The following VPS13B variants were observed in gnomAD, a reference collection of about 807,000 sequenced individuals.
VPS13B encodes the protein vacuolar protein sorting 13 homolog B.
VPS13B carries 285 observed loss-of-function variants against 426.4 expected under a neutral mutation model. The observed-to-expected ratio is 0.67, with a 90% CI of 0.61 to 0.74. The LOEUF is 0.74. VPS13B is among the 30% of genes least tolerant of loss of function. The pLI, the probability that VPS13B is intolerant of heterozygous loss-of-function variation, is 0.00. For missense variants in VPS13B, 4,537 were observed against 4,782.6 expected (o/e 0.95, Z 1.51); for synonymous variants, 1,676 against 1,676.4 (o/e 1.00, Z 0.01).
chr8:99,619,944 A>G (rs1181827544), intron 33 of VPS13B, among the ~76,000 whole-genome samples: 1 of 151,484 alleles, frequency 6.6e-6, no homozygotes, highest in East Asian at 1.9e-4. Context: ...AGCACATAGT[A>G]TATATTTCAA....
At chr8:99,488,033 T>C (rs560238302) in intron 25 of VPS13B, among the ~76,000 whole-genome samples, 1 of 152,306 alleles carries the variant, frequency 6.6e-6, no homozygotes, top group South Asian at 2.1e-4. Context: ...AAATAGTATT[T>C]AATTTTTTAA....
chr8:99,060,282 T>C (rs1471729246), intron 3 of VPS13B, among the ~76,000 whole-genome samples: 1 of 152,076 alleles, frequency 6.6e-6, no homozygotes, highest in Non-Finnish European at 1.5e-5. Flanking sequence ...ATTTGGGAGA[T>C]ATAGTGTGTT....
At chr8:99,558,906 A>G (rs1280670984) in intron 31 of VPS13B, among the ~76,000 whole-genome samples, 3 of 152,120 alleles carry the variant, frequency 2.0e-5, no homozygotes, top group Non-Finnish European at 4.4e-5. Flanking sequence ...ATGATTTATA[A>G]TCCTTTGGGT....
chr8:99,208,276 C>G (rs1031003053), intron 17 of VPS13B, among the ~76,000 whole-genome samples: 2 of 152,122 alleles, frequency 1.3e-5, no homozygotes, highest in Non-Finnish European at 2.9e-5. Context: ...CTACCAGGCC[C>G]CATCTCCATC....
At chr8:99,457,494 T>C (rs937392235) in intron 23 of VPS13B, among the ~76,000 whole-genome samples, 1 of 152,224 alleles carries the variant, frequency 6.6e-6, no homozygotes, top group East Asian at 1.9e-4. Context: ...TATCCCTTTT[T>C]TCTGGGTTAA....
At chr8:99,691,254 T>C (rs1247120535) in intron 35 of VPS13B, among the ~76,000 whole-genome samples, 12 of 146,090 alleles carry the variant, frequency 8.2e-5, no homozygotes, top group Non-Finnish European at 1.3e-4. Flanking sequence ...ATACTGTGTG[T>C]GTGTGTGTGT....
intron 14 of VPS13B, among the ~76,000 whole-genome samples, chr8:99,153,472 C>CT (rs1232768710): frequency 6.6e-6 from 1 of 151,896 alleles, no homozygotes; most frequent in Non-Finnish European, 1.5e-5. Context: ...ACCTGTTATA[C>CT]TTCTTTTTAG....
chr8:99,827,555 T>TG (rs1814768151), intron 51 of VPS13B, among the ~76,000 whole-genome samples: 1 of 149,350 alleles, frequency 6.7e-6, no homozygotes, highest in Non-Finnish European at 1.5e-5. Context: ...TTTTTTTTTT[T>TG]GAAGAGTTTT....
intron 23 of VPS13B, among the ~76,000 whole-genome samples, chr8:99,452,804 T>C (rs545375449): frequency 1.2e-4 from 19 of 152,304 alleles, no homozygotes; most frequent in Admixed American, 5.2e-4. Flanking sequence ...CTGATTTCAA[T>C]TGCTGTGGAA....
chr8:99,040,204 A>G (rs1199974792), intron 3 of VPS13B, among the ~76,000 whole-genome samples: 1 of 152,194 alleles, frequency 6.6e-6, no homozygotes, highest in African/African-American at 2.4e-5. Flanking sequence ...AACTAATTAT[A>G]GAGGCTGCAG....
Position 99,374,659 on chromosome 8 carries a change from A to G in VPS13B, c.2825-9549A>G, listed in dbSNP as rs140517207. On this transcript the variant is annotated intron_variant, in intron 19 of 61. Transcript: ENST00000357162. ...AAATAATGTTTATGTCCAAAAAAAT[A>G]CATGCCTCTTCTTTTGTCATGATAT... Among the ~76,000 whole-genome samples, 927 of 152,326 alleles carry G rather than the reference A, an allele frequency of 6.1e-3. 13 individuals are homozygous for G. Among genetic ancestry groups the G allele is most frequent in the African/African-American group, 0.021 (882 of 41,566 alleles).
At chr8:99,573,078 T>C (rs1588507408) in intron 31 of VPS13B, among the ~76,000 whole-genome samples, 1 of 152,228 alleles carries the variant, frequency 6.6e-6, no homozygotes, top group East Asian at 1.9e-4. Context: ...TTTTCACATG[T>C]TTTTTGGCTG....
In VPS13B at chr8:99,596,922, G is replaced by T. The variant is rs528397700; in HGVS notation, c.5220+19289G>T. Among the ~76,000 whole-genome samples the T allele has an allele frequency of 3.3e-5, 5 of 152,084 alleles. No individual in the cohort carries two copies. The South Asian group carries it at 1.0e-3, about 32-fold the overall frequency. On this transcript the variant is annotated intron_variant, in intron 33 of 61. Coordinates refer to ENST00000357162, the MANE Select transcript of VPS13B (RefSeq NM_152564.5). ...CATCCGTAGCTAGAGAGTCTTCAGGGTTACCTGGTAGGCAGTCATGATATT... is the reference window on the plus strand; with the variant it reads ...CATCCGTAGCTAGAGAGTCTTCAGGTTTACCTGGTAGGCAGTCATGATATT...
intron 6 of VPS13B, among the ~76,000 whole-genome samples, chr8:99,113,726 G>C (rs1364890531): frequency 1.3e-5 from 2 of 151,966 alleles, no homozygotes; most frequent in African/African-American, 4.8e-5. Flanking sequence ...CACCAGGCCT[G>C]GCTAATTTTT....
Position 99,384,970 on chromosome 8 carries a change from C to T in VPS13B, c.2934+653C>T, listed in dbSNP as rs548297258. ...CTGGGATTGCAGGTATGAGCCACAG[C>T]GTCTGACCAGCTTTTATTTTTATCT... On this transcript the variant is annotated intron_variant, in intron 20 of 61. Coordinates refer to ENST00000357162, the MANE Select transcript of VPS13B (RefSeq NM_152564.5). Among the ~76,000 whole-genome samples the T allele has an allele frequency of 9.9e-5, 15 of 152,264 alleles. No individual in the cohort carries two copies. The East Asian group carries it at 1.5e-3, about 16-fold the overall frequency.
intron 35 of VPS13B, among the ~76,000 whole-genome samples, chr8:99,682,001 C>T (rs534160823): frequency 1.1e-4 from 16 of 152,224 alleles, no homozygotes; most frequent in South Asian, 4.1e-4. Flanking sequence ...ATTCACAAAA[C>T]AAAATAAATC....
chr8:99,272,243 C>T (rs946986002), intron 17 of VPS13B, among the ~76,000 whole-genome samples: 1 of 152,010 alleles, frequency 6.6e-6, no homozygotes, highest in African/African-American at 2.4e-5. Flanking sequence ...AGCAAAATTA[C>T]GTTGGTGGGT....
intron 58 of VPS13B, among the ~76,000 whole-genome samples, chr8:99,863,793 A>C (rs988391564): frequency 1.3e-5 from 2 of 152,136 alleles, no homozygotes; most frequent in Non-Finnish European, 2.9e-5. Flanking sequence ...TCATTTTTGG[A>C]AACTGCAGTG....
chr8:99,704,764 A>G (rs993488240), intron 36 of VPS13B, among the ~76,000 whole-genome samples: 2 of 152,168 alleles, frequency 1.3e-5, no homozygotes, highest in African/African-American at 4.8e-5. Context: ...CTATGTCCCA[A>G]GTAGCTTAAA....
Sources: allele counts gnomAD v4.1 joint callset (sites outside exome capture counted in the v4.1 genomes callset), GRCh38; gene constraint gnomAD v4.1.1; transcripts MANE v1.5; gene names NCBI Gene and HGNC (gene_info 2026-07-23, HGNC 2026-07-21).